Variants in ADAMTSL1 observed in about 807,000 individuals in gnomAD.
ADAMTSL1 encodes ADAMTS like 1.
Under a neutral mutation model 201.8 loss-of-function variants are expected in ADAMTSL1, and 126 were observed. That is an observed-to-expected ratio of 0.62 (90% CI 0.54 to 0.72). The LOEUF (loss-of-function observed/expected upper bound fraction) is 0.72. Among genes scored for constraint, ADAMTSL1 ranks in the 30% least tolerant of loss-of-function variants. ADAMTSL1 has a pLI of 0.00. For missense variants in ADAMTSL1, 2,679 were observed against 2,277.8 expected, an observed-to-expected ratio of 1.18 and a Z score of -3.59; for synonymous variants, 1,121 against 903.4, an observed-to-expected ratio of 1.24 and a Z score of -4.32.
intron 1 of ADAMTSL1, among the ~76,000 whole-genome samples, chr9:18,502,154 T>C (rs1301603052): frequency 6.6e-5 from 10 of 152,246 alleles, no homozygotes. Flanking sequence ...ATGTGAATGC[T>C]GCGTGTGGAT....
intron 19 of ADAMTSL1, among the ~76,000 whole-genome samples, chr9:18,785,435 C>T (rs1043198493): frequency 1.3e-5 from 2 of 152,196 alleles, no homozygotes; most frequent in Non-Finnish European, 2.9e-5. Context: ...TATATATACA[C>T]ATGTGTATGC....
At chr9:17,952,917 C>CCCTCCTCCTCCTCCTCCT (rs59567399) in intron 1 of ADAMTSL1, among the ~76,000 whole-genome samples, 12 of 146,066 alleles carry the variant, frequency 8.2e-5, no homozygotes, top group Non-Finnish European at 1.5e-4. Context: ...TTCCTCCTTT[C>CCCTCCTCCTCCTCCTCCT]CCTCCTCCTC....
At position 18,777,086 on chromosome 9, in the gene ADAMTSL1, C is replaced by T. The variant is rs763759862; in HGVS notation, c.2857C>T (p.Arg953Trp). Residue 953 changes from arginine (R) to tryptophan (W), a missense_variant, in exon 19 of 29, where the codon CGG becomes TGG. Physicochemically the swap from Arg to Trp is moderately radical, Grantham distance 101. Coordinates refer to ENST00000380548, the MANE Select transcript of ADAMTSL1 (RefSeq NM_001040272.6). ...GVYTCSAGPA[R>W]EHFVIKLIGG... ...CTACACCTGCTCAGCGGGCCCGGCC[C>T]GGGAGCACTTTGTGATTAAGCTCAT... 2 of 1,613,286 alleles carry T rather than the reference C, an allele frequency of 1.2e-6. No homozygotes were observed. The highest frequency in any genetic ancestry group is 1.7e-6 in the Non-Finnish European group (2 of 1,179,818).
intron 7 of ADAMTSL1, among the ~76,000 whole-genome samples, chr9:18,643,816 G>C (rs930174949): frequency 3.3e-5 from 5 of 151,852 alleles, no homozygotes; most frequent in African/African-American, 9.6e-5. Flanking sequence ...GTCGTATGAT[G>C]CCTTTATCTT....
intron 1 of ADAMTSL1, among the ~76,000 whole-genome samples, chr9:18,475,592 A>G (rs549344131): frequency 1.8e-4 from 28 of 152,306 alleles, no homozygotes; most frequent in African/African-American, 6.3e-4. Flanking sequence ...GCATGAATGA[A>G]CTATAAGTTT....
At chr9:17,949,527 C>G (rs964683700) in intron 1 of ADAMTSL1, among the ~76,000 whole-genome samples, 1 of 152,180 alleles carries the variant, frequency 6.6e-6, no homozygotes, top group Non-Finnish European at 1.5e-5. Flanking sequence ...TTGCTTTTCC[C>G]TTTTATTAAT....
intron 13 of ADAMTSL1, among the ~76,000 whole-genome samples, chr9:18,706,298 G>A (rs926326227): frequency 1.3e-5 from 2 of 152,176 alleles, no homozygotes; most frequent in African/African-American, 2.4e-5. Context: ...AGTGTATAAT[G>A]AACAATAAGG....
chr9:18,873,597 T>C (rs1411008888), intron 23 of ADAMTSL1, among the ~76,000 whole-genome samples: 1 of 152,206 alleles, frequency 6.6e-6, no homozygotes, highest in African/African-American at 2.4e-5. Flanking sequence ...TTGTTGAAGA[T>C]CAGTTGGCTG....
At chr9:18,647,524 A>T (rs1448721441) in intron 7 of ADAMTSL1, among the ~76,000 whole-genome samples, 1 of 151,980 alleles carries the variant, frequency 6.6e-6, no homozygotes, top group Non-Finnish European at 1.5e-5. Context: ...GTGGGCATTT[A>T]GTGCTATGAA....
At chr9:18,597,092 T>C (rs760201065) in intron 4 of ADAMTSL1, among the ~76,000 whole-genome samples, 7 of 152,262 alleles carry the variant, frequency 4.6e-5, no homozygotes, top group Admixed American at 1.3e-4. Flanking sequence ...TGTTGCTCAA[T>C]ATGACTGCCA....
At chr9:18,634,282 G>A (rs1411120972) in intron 5 of ADAMTSL1, among the ~76,000 whole-genome samples, 2 of 152,102 alleles carry the variant, frequency 1.3e-5, no homozygotes, top group African/African-American at 4.8e-5. Flanking sequence ...TGTCTGAACA[G>A]GCCAGGTGCA....
At chr9:18,307,705 G>C (rs1368578560) in intron 2 of ADAMTSL1, among the ~76,000 whole-genome samples, 1 of 152,094 alleles carries the variant, frequency 6.6e-6, no homozygotes, top group Non-Finnish European at 1.5e-5. Flanking sequence ...CAAGTTCTTA[G>C]AGACAGACAA....
chr9:18,290,791 T>TTG (rs1563862970), intron 2 of ADAMTSL1, among the ~76,000 whole-genome samples: 1 of 137,452 alleles, frequency 7.3e-6, no homozygotes, highest in African/African-American at 2.6e-5. Flanking sequence ...GTTTTTTTTT[T>TTG]TTTTTTTTGA....
chr9:18,401,153 A>G (rs186863816), intron 2 of ADAMTSL1, among the ~76,000 whole-genome samples: 1 of 152,290 alleles, frequency 6.6e-6, no homozygotes, highest in East Asian at 1.9e-4. Flanking sequence ...TGGAAAACTT[A>G]ATGCTCGTAT....
chr9:17,975,332 A>G (rs1373054611), intron 1 of ADAMTSL1, among the ~76,000 whole-genome samples: 4 of 152,088 alleles, frequency 2.6e-5, no homozygotes, highest in Non-Finnish European at 4.4e-5. Flanking sequence ...ATATAAATTT[A>G]TTTCTTACAG....
At chr9:18,680,542 A>C in intron 11 of ADAMTSL1, 26 bp downstream of exon 11, 1 of 1,610,730 alleles carries the variant, frequency 6.2e-7, no homozygotes, top group Non-Finnish European at 8.5e-7. Context: ...TTCTTTGTTC[A>C]TTAGGAGAGT....
intron 1 of ADAMTSL1, among the ~76,000 whole-genome samples, chr9:18,142,541 G>A (rs1826447234): frequency 6.6e-6 from 1 of 152,174 alleles, no homozygotes; most frequent in Non-Finnish European, 1.5e-5. Context: ...ACTTGGAAAA[G>A]TATTTGGAGA....
At position 18,908,548 on chromosome 9, in the gene ADAMTSL1, A is replaced by C; in HGVS notation, c.5289A>C (p.Ter1763CysextTer2). ...GCTGTGGAACTTGTGGCAAAGCGTG[A>C]AGATAGGGTGTGGGGAAAAACTCTA... ...SRCCGTCGKA[*>C] is the part of the protein sequence containing the mutation. The change falls in exon 29 of 29, where the codon TGA becomes TGC. Residue 1763 changes from the stop codon to cysteine, a stop_lost. Transcript: ENST00000380548. 1 of 1,558,148 alleles carries C rather than the reference A, an allele frequency of 6.4e-7. No individual in the cohort carries two copies. The highest frequency in any genetic ancestry group is 1.2e-5 in the South Asian group (1 of 84,290).
chr9:18,806,964 C>G (rs1015073084), intron 20 of ADAMTSL1, among the ~76,000 whole-genome samples: 3 of 152,090 alleles, frequency 2.0e-5, no homozygotes, highest in African/African-American at 7.2e-5. Context: ...CTGTGAGGCT[C>G]TATTTCCCCT....
Sources: allele counts gnomAD v4.1 joint callset (sites outside exome capture counted in the v4.1 genomes callset), GRCh38; gene constraint gnomAD v4.1.1; transcripts MANE v1.5; gene names NCBI Gene and HGNC (gene_info 2026-07-23, HGNC 2026-07-21).